SPIRE1: variants seen among roughly 807,000 people sequenced by gnomAD.
SPIRE1 encodes protein spire homolog 1.
In SPIRE1, 40 loss-of-function variants were observed where a neutral mutation model predicts 94.1. That is an observed-to-expected ratio of 0.43 (90% CI 0.33 to 0.55). The LOEUF (loss-of-function observed/expected upper bound fraction) is 0.55, where lower values mean the gene tolerates loss of function less well. SPIRE1 is among the 20% of genes least tolerant of loss of function. The pLI is 0.06. For synonymous variants in SPIRE1, 376 were observed against 371.7 expected (o/e 1.01, Z -0.13); for missense variants, 838 against 975.2 (o/e 0.86, Z 1.87).
At position 12,479,804 on chromosome 18, in the gene SPIRE1, T is replaced by G; in HGVS notation, c.1299A>C (p.Ser433=). ...TACTTAACCCGTTTTCTTTTGTTTG[T>G]GATGTCAAACCTCCATTCACCATAG... The part of the protein sequence containing the change: ...ESSMVNGGLT[S]QTKENGLSTS... The change falls in exon 10 of 17, where the codon TCA becomes TCC. Residue 433 remains serine, a synonymous_variant. Coordinates refer to ENST00000409402, the MANE Select transcript of SPIRE1 (RefSeq NM_001128626.2). 6.2e-7 allele frequency: 1 copy of G among 1,614,162 alleles called. No homozygotes were observed. Among genetic ancestry groups the G allele is most frequent in the Non-Finnish European group, 8.5e-7 (1 of 1,180,010 alleles).
At chr18:12,503,150 C>T (rs1481347255) in intron 6 of SPIRE1, among the ~76,000 whole-genome samples, 1 of 151,658 alleles carries the variant, frequency 6.6e-6, no homozygotes, top group African/African-American at 2.4e-5. Context: ...CCTGTGTGTT[C>T]CTCCAGATGC....
At chr18:12,504,898 G>A (rs908679619) in intron 6 of SPIRE1, among the ~76,000 whole-genome samples, 7 of 152,118 alleles carry the variant, frequency 4.6e-5, no homozygotes, top group African/African-American at 1.7e-4. Flanking sequence ...AATATCCAAG[G>A]CAAAGGCTCT....
At chr18:12,624,704 G>A (rs555726830) in intron 2 of SPIRE1, among the ~76,000 whole-genome samples, 2 of 150,514 alleles carry the variant, frequency 1.3e-5, no homozygotes, top group South Asian at 4.2e-4. Flanking sequence ...GCATGGTGGT[G>A]GACACCTGTA....
At chr18:12,591,075 C>T (rs1328157992) in intron 2 of SPIRE1, among the ~76,000 whole-genome samples, 1 of 152,030 alleles carries the variant, frequency 6.6e-6, no homozygotes, top group Non-Finnish European at 1.5e-5. Flanking sequence ...GCATTAAATG[C>T]TATGAAAAAA....
chr18:12,502,993 C>G (rs1386706099), intron 6 of SPIRE1, among the ~76,000 whole-genome samples: 2 of 151,924 alleles, frequency 1.3e-5, no homozygotes, highest in African/African-American at 4.8e-5. Flanking sequence ...CCTGTAATCC[C>G]AGCTACTTGG....
chr18:12,584,841 G>A (rs1187331578), intron 2 of SPIRE1, among the ~76,000 whole-genome samples: 4 of 152,020 alleles, frequency 2.6e-5, no homozygotes, highest in East Asian at 1.9e-4. Context: ...GTGCAGTGGC[G>A]CGATCGCAGC....
rs186873245 is a variant in SPIRE1 at position 12,480,970 on chromosome 18, T to C, written c.1232-1099A>G. On this transcript the variant is annotated intron_variant, in intron 9 of 16. Coordinates refer to ENST00000409402, the MANE Select transcript of SPIRE1 (RefSeq NM_001128626.2). The stretch of plus-strand genomic sequence containing the variant: ...ATGGGGCAAAGGGCATGCTAAGTAC[T>C]AAAGTGAAAAAGACTGACTGATGCT... 1.6e-4 allele frequency among the ~76,000 whole-genome samples: 25 copies of C among 152,294 alleles called. No homozygotes were observed. In the East Asian group the frequency reaches 4.2e-3, roughly 26 times the overall value.
At chr18:12,589,964 G>A (rs2036486977) in intron 2 of SPIRE1, among the ~76,000 whole-genome samples, 1 of 152,126 alleles carries the variant, frequency 6.6e-6, no homozygotes, top group Non-Finnish European at 1.5e-5. Flanking sequence ...AATTTTTAAA[G>A]GCTTAGATAC....
Position 12,449,780 on chromosome 18 carries a change from G to T in SPIRE1, c.2129C>A (p.Ser710Ter). ...GCGCCGGCTTGAACTGATGATTTCC[G>T]AAATGAACTTCTTGCAGTCCACACA... Reference protein sequence around the residue: ...EVCVDCKKFISEIISSSRRSL... With the variant: ...EVCVDCKKFI Residue 710 changes from serine (S) to a stop codon, truncating the protein, a stop_gained, in exon 17 of 17, where the codon TCG becomes TAG. Transcript: ENST00000409402. LOFTEE classifies it high-confidence loss of function. 1 of 1,614,068 alleles carries T rather than the reference G, an allele frequency of 6.2e-7. No homozygotes were observed. The highest frequency in any genetic ancestry group is 8.5e-7 in the Non-Finnish European group (1 of 1,180,026).
At chr18:12,546,980 T>TTAGTATGA in intron 2 of SPIRE1, 76 bp from the exon 3 acceptor site, 1 of 984,436 alleles carries the variant, frequency 1.0e-6, no homozygotes, top group Non-Finnish European at 1.5e-6. Flanking sequence ...CATAAGATGT[T>TTAGTATGA]TAGTATGATT....
At chr18:12,639,015 T>C (rs140373849) in intron 1 of SPIRE1, among the ~76,000 whole-genome samples, 9 of 152,264 alleles carry the variant, frequency 5.9e-5, no homozygotes, top group African/African-American at 2.2e-4. Context: ...CTAATATATC[T>C]CCATTCCCAC....
chr18:12,452,442 C>T, intron 15 of SPIRE1, 43 bp downstream of exon 15: 1 of 1,614,068 alleles, frequency 6.2e-7, no homozygotes, highest in South Asian at 1.1e-5. Context: ...AAGAGGCAGT[C>T]ACTAAAAGGA....
intron 6 of SPIRE1, among the ~76,000 whole-genome samples, chr18:12,501,209 G>C (rs2033652856): frequency 1.3e-5 from 2 of 151,940 alleles, no homozygotes; most frequent in Non-Finnish European, 2.9e-5. Context: ...GAGGCAATAT[G>C]CATGAAATAT....
At chr18:12,622,780 T>A (rs1436378071) in intron 2 of SPIRE1, among the ~76,000 whole-genome samples, 1 of 152,200 alleles carries the variant, frequency 6.6e-6, no homozygotes. Context: ...TTGTCTTTCC[T>A]ACATTTTCTT....
At chr18:12,456,370 T>C (rs940655373) in intron 12 of SPIRE1, among the ~76,000 whole-genome samples, 4 of 152,222 alleles carry the variant, frequency 2.6e-5, no homozygotes, top group Admixed American at 6.5e-5. Flanking sequence ...GTTGGCTGAA[T>C]ACATCCGAAT....
chr18:12,538,687 TC>T (rs1214303458), intron 3 of SPIRE1, among the ~76,000 whole-genome samples: 2 of 150,546 alleles, frequency 1.3e-5, no homozygotes, highest in Admixed American at 6.6e-5. Flanking sequence ...CATCCTTTTT[TC>T]CCCCCTTAAT....
rs551067030 is a variant in SPIRE1 at position 12,552,166 on chromosome 18, C to G, written c.373-5262G>C. 1.7e-4 allele frequency among the ~76,000 whole-genome samples: 26 copies of G among 152,346 alleles called. 1 individual carries two copies. The South Asian group carries it at 5.4e-3, about 32-fold the overall frequency. ...TGAGTTCTGGCAAGCCTTACCACTG[C>G]GTGCTTAAGTGCTCTGAGGCTCTAA... On this transcript the variant is annotated intron_variant, in intron 2 of 16. Coordinates refer to ENST00000409402, the MANE Select transcript of SPIRE1 (RefSeq NM_001128626.2).
intron 2 of SPIRE1, among the ~76,000 whole-genome samples, chr18:12,610,378 T>C (rs965872826): frequency 1.3e-5 from 2 of 152,178 alleles, no homozygotes; most frequent in Non-Finnish European, 2.9e-5. Context: ...CAGTAATCTT[T>C]CAACCCCATC....
chr18:12,498,219 A>G (rs1462838306), intron 6 of SPIRE1, among the ~76,000 whole-genome samples: 1 of 152,214 alleles, frequency 6.6e-6, no homozygotes, highest in African/African-American at 2.4e-5. Flanking sequence ...CTGTATAAGG[A>G]TAAGTGGTTG....
Sources: gnomAD v4.1 joint callset for allele counts (sites outside exome capture counted in the v4.1 genomes callset) on GRCh38, gnomAD v4.1.1 for gene constraint, MANE v1.5 for transcripts, NCBI Gene and HGNC (gene_info 2026-07-23, HGNC 2026-07-21) for gene names.